The following TRPM3 variants were observed in gnomAD, a reference collection of about 807,000 sequenced individuals.
TRPM3 encodes long transient receptor potential channel 3.
In TRPM3, 77 loss-of-function variants were observed where a neutral mutation model predicts 181.2. The ratio of observed to expected loss-of-function variants is 0.42; its 90% CI spans 0.35 to 0.51. The LOEUF (loss-of-function observed/expected upper bound fraction) is 0.51, where lower values mean the gene tolerates loss of function less well. TRPM3 is among the 20% of genes least tolerant of loss of function. The probability of loss-of-function intolerance (pLI) is 0.01; values close to 1 mark genes in which losing one functional copy is unlikely to be tolerated. For synonymous variants in TRPM3, 745 were observed against 796.4 expected (o/e 0.94, Z 1.09); for missense variants, 1,759 against 2,196.7 (o/e 0.80, Z 3.98).
At position 70,534,447 on chromosome 9, in the gene TRPM3, G is replaced by A. The variant is rs929701969; in HGVS notation, c.*1506C>T. 13 of 152,082 alleles carry A rather than the reference G, an allele frequency of 8.5e-5. No individual in the cohort carries two copies. The highest frequency in any genetic ancestry group is 2.9e-5 in the Non-Finnish European group (2 of 68,000). 9.4% of individuals were successfully genotyped at this position (152,082 alleles called of 1,614,324 possible). A position where few individuals can be genotyped will look rare whatever the true frequency, so the allele number is the denominator to read the frequency against. On this transcript the variant is annotated 3_prime_UTR_variant, in exon 26 of 26. Coordinates refer to ENST00000677713, the MANE Select transcript of TRPM3 (RefSeq NM_001366145.2). ...AAAAAAATCTTGATTATACTTCAAG[G>A]TGATAGAAAAGTCCAAGCCTCTTAA... is the stretch of plus-strand genomic sequence containing the variant.
intron 1 of TRPM3, among the ~76,000 whole-genome samples, chr9:71,186,696 T>G (rs1480781538): frequency 6.6e-6 from 1 of 152,096 alleles, no homozygotes; most frequent in Non-Finnish European, 1.5e-5. Flanking sequence ...TTAGAAACAA[T>G]GTATAGAAAG....
intron 1 of TRPM3, among the ~76,000 whole-genome samples, chr9:71,247,128 G>T (rs759748931): frequency 6.6e-6 from 1 of 152,110 alleles, no homozygotes; most frequent in Non-Finnish European, 1.5e-5. Flanking sequence ...CTCCCAGTGT[G>T]CTGGGATTAC....
chr9:70,921,438 AC>A (rs2096652071), intron 1 of TRPM3, among the ~76,000 whole-genome samples: 1 of 152,238 alleles, frequency 6.6e-6, no homozygotes, highest in Admixed American at 6.5e-5. Context: ...GAGGAAAGCT[AC>A]AAACTAGTGC....
intron 1 of TRPM3, among the ~76,000 whole-genome samples, chr9:71,235,863 C>T (rs1057212172): frequency 1.1e-4 from 16 of 152,126 alleles, no homozygotes; most frequent in African/African-American, 3.6e-4. Flanking sequence ...TCTGTATTAT[C>T]CCAAGCTATC....
At chr9:70,555,811 A>C (rs886729565) in intron 22 of TRPM3, among the ~76,000 whole-genome samples, 13 of 152,002 alleles carry the variant, frequency 8.6e-5, no homozygotes, top group African/African-American at 3.1e-4. Context: ...TCACTCCTCT[A>C]TTCTGCCCTT....
At chr9:70,824,746 G>A (rs1237198839) in intron 6 of TRPM3, 1 of 152,130 alleles carries the variant, frequency 6.6e-6, no homozygotes, top group Non-Finnish European at 1.5e-5. Flanking sequence ...ATTTTTAAAA[G>A]GAAGAACCAC....
intron 5 of TRPM3, among the ~76,000 whole-genome samples, chr9:70,841,241 C>T (rs181072645): frequency 1.7e-3 from 259 of 152,176 alleles, no homozygotes; most frequent in Non-Finnish European, 3.0e-3. Context: ...GTAACACTTA[C>T]TTTTCCAGTC....
At chr9:71,132,145 A>G (rs190364438) in intron 1 of TRPM3, among the ~76,000 whole-genome samples, 67 of 152,306 alleles carry the variant, frequency 4.4e-4, no homozygotes, top group African/African-American at 1.5e-3. Flanking sequence ...ATTCTGATCC[A>G]TTACCCATAA....
chr9:70,904,271 A>G lies in TRPM3; in HGVS notation c.178-39760T>C, dbSNP rs77550110. On this transcript the variant is annotated intron_variant, in intron 1 of 25. Coordinates refer to ENST00000677713, the MANE Select transcript of TRPM3 (RefSeq NM_001366145.2). ...ACACCTCACTCTTTTGGCAAACTTG[A>G]CTATCCAAAAAGCAGCCCCAAATCA... Among the ~76,000 whole-genome samples, 3 of 152,194 alleles carry G rather than the reference A, an allele frequency of 2.0e-5. No homozygotes were observed. In the East Asian group the frequency reaches 5.8e-4, roughly 29 times the overall value.
chr9:71,067,100 A>G (rs573908080), intron 1 of TRPM3, among the ~76,000 whole-genome samples: 1 of 152,318 alleles, frequency 6.6e-6, no homozygotes, highest in South Asian at 2.1e-4. Flanking sequence ...ACGATAGGCA[A>G]GAATATACCC....
chr9:70,985,591 A>C (rs1314118405), intron 1 of TRPM3, among the ~76,000 whole-genome samples: 1 of 152,104 alleles, frequency 6.6e-6, no homozygotes, highest in East Asian at 1.9e-4. Flanking sequence ...TTCTTTTTTA[A>C]ATAAAAGTTG....
chr9:70,923,493 C>A lies in TRPM3; in HGVS notation c.178-58982G>T, dbSNP rs144066394. ...AATTTATGTTAATTGTAGAAAAATA[C>A]AAAAATAGAGAAATTACAAAGAAGA... is the stretch of plus-strand genomic sequence containing the variant. On this transcript the variant is annotated intron_variant, in intron 1 of 25. Coordinates refer to ENST00000677713, the MANE Select transcript of TRPM3 (RefSeq NM_001366145.2). Among the ~76,000 whole-genome samples the A allele has an allele frequency of 2.5e-3, 372 of 151,374 alleles. 11 individuals carry two copies. In the East Asian group the frequency reaches 0.032, roughly 13 times the overall value.
chr9:70,575,662 G>T (rs1393622284), intron 22 of TRPM3, among the ~76,000 whole-genome samples: 1 of 152,150 alleles, frequency 6.6e-6, no homozygotes, highest in Non-Finnish European at 1.5e-5. Flanking sequence ...CTGTGTTCTT[G>T]TGTGAGAGGA....
chr9:71,307,849 T>C (rs1316096214), intron 1 of TRPM3, among the ~76,000 whole-genome samples: 1 of 152,184 alleles, frequency 6.6e-6, no homozygotes, highest in Non-Finnish European at 1.5e-5. Context: ...AAATTAAATA[T>C]TTGTTGTAAT....
chr9:70,786,334 A>AAAAAAAAAAAAAAAAAAAAAAAAAAAAAG (rs2083602380), intron 6 of TRPM3, among the ~76,000 whole-genome samples: 1 of 148,862 alleles, frequency 6.7e-6, no homozygotes, highest in Non-Finnish European at 1.5e-5. Flanking sequence ...AAAAAAAAAA[A>AAAAAAAAAAAAAAAAAAAAAAAAAAAAAG]ATTAGCTGGG....
chr9:71,239,789 A>C (rs1426662586), intron 1 of TRPM3, among the ~76,000 whole-genome samples: 3 of 152,154 alleles, frequency 2.0e-5, no homozygotes, highest in African/African-American at 7.2e-5. Context: ...AAGGGAAATT[A>C]AATAGGAATG....
At chr9:71,392,616 T>C (rs2093089339) in intron 1 of TRPM3, among the ~76,000 whole-genome samples, 1 of 152,132 alleles carries the variant, frequency 6.6e-6, no homozygotes, top group African/African-American at 2.4e-5. Context: ...TCTTCCCCTA[T>C]GCCTCTCTAT....
chr9:71,063,847 A>G (rs1361271508), intron 1 of TRPM3, among the ~76,000 whole-genome samples: 21 of 152,070 alleles, frequency 1.4e-4, no homozygotes, highest in Admixed American at 1.4e-3. Context: ...TGACATTTCC[A>G]GAGTTAAGGT....
At chr9:70,901,379 T>C (rs1213372386) in intron 1 of TRPM3, among the ~76,000 whole-genome samples, 3 of 152,190 alleles carry the variant, frequency 2.0e-5, no homozygotes, top group Non-Finnish European at 2.9e-5. Flanking sequence ...AGGCACACAT[T>C]CTAAAGGCAT....
Sources: allele counts gnomAD v4.1 joint callset (sites outside exome capture counted in the v4.1 genomes callset), GRCh38; gene constraint gnomAD v4.1.1; transcripts MANE v1.5; gene names NCBI Gene and HGNC (gene_info 2026-07-23, HGNC 2026-07-21).